CPEB3: variants seen among roughly 807,000 people sequenced by gnomAD.
CPEB3 encodes the protein cytoplasmic polyadenylation element-binding protein 3.
A neutral mutation model predicts 67.2 loss-of-function variants in CPEB3; 20 were observed. That is an observed-to-expected ratio of 0.30 (90% CI 0.21 to 0.43). The LOEUF is 0.43. CPEB3 is among the 20% of genes least tolerant of loss of function. CPEB3 has a pLI of 1.00. For synonymous variants in CPEB3, 376 were observed against 393.1 expected (o/e 0.96, Z 0.51); for missense variants, 746 against 968.6 (o/e 0.77, Z 3.05).
intron 1 of CPEB3, among the ~76,000 whole-genome samples, chr10:92,252,050 AT>A (rs1267425307): frequency 2.0e-5 from 3 of 151,892 alleles, no homozygotes; most frequent in South Asian, 2.1e-4. Flanking sequence ...CTCTATATAT[AT>A]TTTTTTTCAA....
At chr10:92,120,366 C>T (rs1432400643) in intron 6 of CPEB3, among the ~76,000 whole-genome samples, 7 of 152,090 alleles carry the variant, frequency 4.6e-5, no homozygotes, top group Non-Finnish European at 8.8e-5. Context: ...AGGAGGATCA[C>T]GAGGTCAGGA....
At chr10:92,059,533 A>G (rs1178984321) in intron 9 of CPEB3, among the ~76,000 whole-genome samples, 1 of 152,064 alleles carries the variant, frequency 6.6e-6, no homozygotes, top group Non-Finnish European at 1.5e-5. Context: ...AAACGGGGAA[A>G]AAACTTCAAA....
chr10:92,234,569 A>G (rs992357014), intron 2 of CPEB3, among the ~76,000 whole-genome samples: 4 of 152,342 alleles, frequency 2.6e-5, no homozygotes, highest in Admixed American at 1.3e-4. Flanking sequence ...CAACTTTGCC[A>G]ATTACTGGCT....
intron 4 of CPEB3, among the ~76,000 whole-genome samples, chr10:92,149,238 G>A (rs535512659): frequency 1.8e-4 from 27 of 152,252 alleles, no homozygotes; most frequent in African/African-American, 6.0e-4. Flanking sequence ...TAACTCCATA[G>A]AGACCATGAT....
chr10:92,222,209 T>TTA (rs1169083107), intron 2 of CPEB3, among the ~76,000 whole-genome samples: 1 of 151,370 alleles, frequency 6.6e-6, no homozygotes. Flanking sequence ...TTTTTTTTTT[T>TTA]AATTTTTCAT....
rs1564936624 is a variant in CPEB3 at position 92,289,735 on chromosome 10, AT to A, written c.-12+1190del. Among the ~76,000 whole-genome samples the A allele has an allele frequency of 2.2e-3, 217 of 98,328 alleles. 10 individuals are homozygous for A. The highest frequency in any genetic ancestry group is 8.1e-3 in the Middle Eastern group (2 of 246). 64.5% of individuals were successfully genotyped at this position (98,328 alleles called of 152,430 possible). A position where few individuals can be genotyped will look rare whatever the true frequency, so the allele number is the denominator to read the frequency against. ...GTCTCTACCAAAAAAAAAAAAAAAT[AT>A]ATATATATATATATATATATATGTA... On this transcript the variant is annotated intron_variant, in intron 1 of 9. Coordinates refer to ENST00000265997, the MANE Select transcript of CPEB3 (RefSeq NM_014912.5).
chr10:92,156,883 A>G (rs1447424895), intron 4 of CPEB3, among the ~76,000 whole-genome samples: 2 of 152,358 alleles, frequency 1.3e-5, no homozygotes, highest in East Asian at 3.9e-4. Flanking sequence ...TTGCTGTGAA[A>G]TAAATGATAA....
intron 2 of CPEB3, among the ~76,000 whole-genome samples, chr10:92,199,391 CAAAAA>C (rs61159896): frequency 1.3e-5 from 1 of 76,362 alleles, no homozygotes; most frequent in African/African-American, 5.1e-5. Flanking sequence ...AACTCTGTCT[CAAAAA>C]AAAAAAAAAA....
Position 92,052,100 on chromosome 10 carries a change from A to T in CPEB3, c.*112T>A. 1 of 650,354 alleles carries T rather than the reference A, an allele frequency of 1.5e-6. No homozygotes were observed. Among genetic ancestry groups the T allele is most frequent in the Non-Finnish European group, 2.7e-6 (1 of 372,136 alleles). 40.3% of individuals were successfully genotyped at this position (650,354 alleles called of 1,614,324 possible). A position where few individuals can be genotyped will look rare whatever the true frequency, so the allele number is the denominator to read the frequency against. On this transcript the variant is annotated 3_prime_UTR_variant, in exon 10 of 10. Transcript: ENST00000265997. ...ATAAAAAGACCCAATTCTTCTTTAA[A>T]AATCGAGAACGAATGCACAGATTTC...
chr10:92,268,808 T>A (rs184351024), intron 1 of CPEB3, among the ~76,000 whole-genome samples: 2 of 152,158 alleles, frequency 1.3e-5, no homozygotes, highest in African/African-American at 4.8e-5. Flanking sequence ...GTTTCCATGA[T>A]GGCAACCATT....
chr10:92,168,589 C>A (rs144224742), intron 4 of CPEB3, among the ~76,000 whole-genome samples: 23 of 152,108 alleles, frequency 1.5e-4, no homozygotes, highest in Middle Eastern at 3.4e-3. Context: ...TTGGTTACCC[C>A]CATGCTGCTG....
rs1474093585 is a variant in CPEB3, at chr10:92,249,808, T to C, written c.-11-9447A>G. ...GCCGAAGCAGGAAGATTACTTGAGG[T>C]AAGGAGTTTGAAACCAGCCTTGGTC... On this transcript the variant is annotated intron_variant, in intron 1 of 9. Coordinates refer to ENST00000265997, the MANE Select transcript of CPEB3 (RefSeq NM_014912.5). Among the ~76,000 whole-genome samples, 20 of 151,984 alleles carry C rather than the reference T, an allele frequency of 1.3e-4. No individual in the cohort carries two copies. In the East Asian group the frequency reaches 3.7e-3, roughly 28 times the overall value.
chr10:92,130,655 CTTTTTT>C (rs35187694), intron 6 of CPEB3, among the ~76,000 whole-genome samples: 1 of 135,238 alleles, frequency 7.4e-6, no homozygotes, highest in African/African-American at 2.7e-5. Context: ...CCCTATGTGG[CTTTTTT>C]TTTTTTTTTT....
At position 92,105,953 on chromosome 10, in the gene CPEB3, C is replaced by T. The variant is rs192128134; in HGVS notation, c.1572+5123G>A. ...TGCCACCCAGGCTAGAGTGCGATGG[C>T]GCAATGTCGGCTCACTGCAACCTCT... is the stretch of plus-strand genomic sequence containing the variant. On this transcript the variant is annotated intron_variant, in intron 7 of 9. Transcript: ENST00000265997. Among the ~76,000 whole-genome samples, 277 of 152,102 alleles carry T rather than the reference C, an allele frequency of 1.8e-3. 1 individual carries two copies. Among genetic ancestry groups the T allele is most frequent in the African/African-American group, 6.4e-3 (267 of 41,492 alleles).
Position 92,290,345 on chromosome 10 carries a change from AC to A in CPEB3, c.-12+580del, listed in dbSNP as rs144028455. Among the ~76,000 whole-genome samples, 3 of 134,374 alleles carry A rather than the reference AC, an allele frequency of 2.2e-5. No individual in the cohort carries two copies. In the East Asian group the frequency reaches 6.5e-4, roughly 29 times the overall value. 88.2% of individuals were successfully genotyped at this position (134,374 alleles called of 152,430 possible). On this transcript the variant is annotated intron_variant, in intron 1 of 9. Transcript: ENST00000265997. ...GATGATTTCTCCTTTTTGATTCCCC[AC>A]CCCCGCCACTCCCAATCCACCTGCT...
At chr10:92,236,313 A>T (rs529599920) in intron 2 of CPEB3, among the ~76,000 whole-genome samples, 1 of 152,228 alleles carries the variant, frequency 6.6e-6, no homozygotes, top group Admixed American at 6.5e-5. Flanking sequence ...ACCTCTCAGG[A>T]TCTCAGTCTC....
chr10:92,129,796 C>T (rs772489971), intron 6 of CPEB3, among the ~76,000 whole-genome samples: 3 of 152,156 alleles, frequency 2.0e-5, no homozygotes, highest in Non-Finnish European at 4.4e-5. Flanking sequence ...AATCCCAACA[C>T]TTTGGGAGGC....
At chr10:92,074,636 GGC>G (rs1842871972) in intron 9 of CPEB3, among the ~76,000 whole-genome samples, 1 of 152,166 alleles carries the variant, frequency 6.6e-6, no homozygotes, top group Non-Finnish European at 1.5e-5. Flanking sequence ...AGCTGTGGCT[GGC>G]TCAAGATAAG....
At chr10:92,258,627 T>TA (rs1564914015) in intron 1 of CPEB3, among the ~76,000 whole-genome samples, 1,546 of 4,888 alleles carry the variant, frequency 0.32, 290 homozygotes, top group African/African-American at 0.52. Context: ...ATTTTTTGAA[T>TA]ATATATATAT....
Sources: gnomAD v4.1 joint callset for allele counts (sites outside exome capture counted in the v4.1 genomes callset) on GRCh38, gnomAD v4.1.1 for gene constraint, MANE v1.5 for transcripts, NCBI Gene and HGNC (gene_info 2026-07-23, HGNC 2026-07-21) for gene names.